SEZ6L: variants seen among roughly 807,000 people sequenced by gnomAD.
The protein encoded by SEZ6L is seizure 6-like protein.
SEZ6L carries 37 observed loss-of-function variants against 106.2 expected under a neutral mutation model. The ratio of observed to expected loss-of-function variants is 0.35; its 90% CI spans 0.27 to 0.46. The LOEUF is 0.46. SEZ6L is among the 20% of genes least tolerant of loss of function. The pLI, the probability that SEZ6L is intolerant of heterozygous loss-of-function variation, is 1.00. For missense variants in SEZ6L, 1,172 were observed against 1,332.8 expected (o/e 0.88, Z 1.88); for synonymous variants, 541 against 570.4 (o/e 0.95, Z 0.73).
intron 1 of SEZ6L, among the ~76,000 whole-genome samples, chr22:26,271,091 G>T (rs1282884633): frequency 6.6e-6 from 1 of 152,198 alleles, no homozygotes; most frequent in African/African-American, 2.4e-5. Flanking sequence ...GGGTGCACAT[G>T]TGTCTGGGTT....
chr22:26,380,506 A>G lies in SEZ6L; in HGVS notation c.*211A>G, dbSNP rs2084380336. ...GTTTGGATGTTTCGCGGCCTCAGCC[A>G]AATTCATGTTACAGCCTCAATTCTG... On this transcript the variant is annotated 3_prime_UTR_variant, in exon 17 of 17. Coordinates refer to ENST00000248933, the MANE Select transcript of SEZ6L (RefSeq NM_021115.5). The G allele has an allele frequency of 6.8e-6, 3 of 444,252 alleles. No individual in the cohort carries two copies. In the East Asian group the frequency reaches 9.7e-5, roughly 14 times the overall value. The allele number at this position is 444,252 out of a possible 1,614,324, so 27.5% of individuals were successfully genotyped here. A position where few individuals can be genotyped will look rare whatever the true frequency, so the allele number is the denominator to read the frequency against.
intron 13 of SEZ6L, among the ~76,000 whole-genome samples, chr22:26,369,354 T>TTTTTTTTTTTTTTTTTTTTTTTTTA: frequency 8.4e-6 from 1 of 118,698 alleles, no homozygotes; most frequent in African/African-American, 3.3e-5. Context: ...TTGTTTTTTT[T>TTTTTTTTTTTTTTTTTTTTTTTTTA]TTTGAGACAG....
intron 10 of SEZ6L, among the ~76,000 whole-genome samples, chr22:26,343,943 T>C (rs950979945): frequency 6.6e-5 from 10 of 152,222 alleles, no homozygotes; most frequent in African/African-American, 2.2e-4. Context: ...GCCTAAAGTC[T>C]ATGGCAAAGA....
intron 1 of SEZ6L, among the ~76,000 whole-genome samples, chr22:26,197,527 T>G (rs556498338): frequency 1.3e-5 from 2 of 152,248 alleles, no homozygotes; most frequent in African/African-American, 4.8e-5. Context: ...GGAGGGGTCC[T>G]GGTATAGTGA....
intron 1 of SEZ6L, among the ~76,000 whole-genome samples, chr22:26,268,401 G>A (rs528147875): frequency 6.6e-6 from 1 of 152,346 alleles, no homozygotes; most frequent in African/African-American, 2.4e-5. Context: ...GCTCAGCAAG[G>A]AGGGGCAACA....
At chr22:26,277,131 C>G (rs1210361183) in intron 1 of SEZ6L, among the ~76,000 whole-genome samples, 1 of 149,570 alleles carries the variant, frequency 6.7e-6, no homozygotes, top group African/African-American at 2.5e-5. Context: ...AATATAGCCT[C>G]TCTCTCAGCC....
At chr22:26,370,326 G>T (rs1045915951) in intron 13 of SEZ6L, among the ~76,000 whole-genome samples, 1 of 151,960 alleles carries the variant, frequency 6.6e-6, no homozygotes, top group South Asian at 2.1e-4. Flanking sequence ...CGGAGCTTGC[G>T]GTGAGCTGAG....
intron 10 of SEZ6L, among the ~76,000 whole-genome samples, chr22:26,342,860 AC>A (rs1289266693): frequency 6.6e-6 from 1 of 152,106 alleles, no homozygotes; most frequent in Non-Finnish European, 1.5e-5. Context: ...AAAACAAGCT[AC>A]CCCCTTGACC....
In SEZ6L at chr22:26,375,658, C is replaced by T. The variant is rs774486120; in HGVS notation, c.2911C>T (p.Leu971=). ...CATCCCGGTCCTCATCATCTCCTTA[C>T]TGCTGGGAGGAGCCTACATTTACAT... The part of the protein sequence containing the change: ...IFIPVLIISL[L]LGGAYIYITR... The change falls in exon 15 of 17, where the codon CTG becomes TTG. Residue 971 remains leucine, a synonymous_variant. Coordinates refer to ENST00000248933, the MANE Select transcript of SEZ6L (RefSeq NM_021115.5). 34 of 1,613,964 alleles carry T rather than the reference C, an allele frequency of 2.1e-5. No homozygotes were observed. In the Middle Eastern group the frequency reaches 1.3e-3, roughly 62 times the overall value.
chr22:26,376,295 T>C (rs2084221911), intron 15 of SEZ6L, among the ~76,000 whole-genome samples: 1 of 151,348 alleles, frequency 6.6e-6, no homozygotes, highest in Non-Finnish European at 1.5e-5. Context: ...TGTAAGAAAA[T>C]ATGTAGTGTT....
At chr22:26,336,809 A>T (rs146919802) in intron 9 of SEZ6L, among the ~76,000 whole-genome samples, 5 of 152,290 alleles carry the variant, frequency 3.3e-5, no homozygotes, top group African/African-American at 9.6e-5. Flanking sequence ...TAGGAAAAAT[A>T]TGTTTCCAGA....
intron 11 of SEZ6L, among the ~76,000 whole-genome samples, chr22:26,348,634 A>AAG (rs1207231873): frequency 8.9e-5 from 3 of 33,788 alleles, no homozygotes; most frequent in African/African-American, 5.7e-4. Flanking sequence ...GAAAGAAAGA[A>AAG]AGAAAGAAAG....
intron 1 of SEZ6L, among the ~76,000 whole-genome samples, chr22:26,246,116 A>T (rs767894645): frequency 2.0e-5 from 3 of 152,214 alleles, no homozygotes; most frequent in Non-Finnish European, 4.4e-5. Flanking sequence ...TAGTCCTTAG[A>T]CATTCACTTG....
At chr22:26,266,425 T>C (rs1183271823) in intron 1 of SEZ6L, among the ~76,000 whole-genome samples, 27 of 149,354 alleles carry the variant, frequency 1.8e-4, no homozygotes, top group African/African-American at 6.4e-4. Context: ...TACAAAAATT[T>C]AGCCGGGCGT....
At chr22:26,314,639 G>C (rs2081947306) in intron 9 of SEZ6L, among the ~76,000 whole-genome samples, 1 of 152,226 alleles carries the variant, frequency 6.6e-6, no homozygotes, top group Non-Finnish European at 1.5e-5. Flanking sequence ...TAGCTGTGCG[G>C]CTGGGTTTCC....
intron 1 of SEZ6L, among the ~76,000 whole-genome samples, chr22:26,279,809 T>G (rs764477323): frequency 6.6e-6 from 1 of 152,186 alleles, no homozygotes; most frequent in Non-Finnish European, 1.5e-5. Context: ...CAAGTGTCTT[T>G]TCTTGGGGAC....
At chr22:26,318,684 A>G (rs1210447678) in intron 9 of SEZ6L, among the ~76,000 whole-genome samples, 2 of 152,148 alleles carry the variant, frequency 1.3e-5, no homozygotes, top group Admixed American at 1.3e-4. Flanking sequence ...CTTCCTCACC[A>G]CTTCACTTGG....
At chr22:26,191,325 G>A (rs968089231) in intron 1 of SEZ6L, among the ~76,000 whole-genome samples, 4 of 152,220 alleles carry the variant, frequency 2.6e-5, no homozygotes, top group Middle Eastern at 3.4e-3. Flanking sequence ...GCAAAGACAT[G>A]GAATCAACCT....
intron 1 of SEZ6L, among the ~76,000 whole-genome samples, chr22:26,204,537 A>G (rs576969317): frequency 2.4e-4 from 37 of 152,376 alleles, no homozygotes; most frequent in Admixed American, 9.8e-4. Context: ...TCACACAGCT[A>G]TAAGTGGTAT....
Sources: allele counts gnomAD v4.1 joint callset (sites outside exome capture counted in the v4.1 genomes callset), GRCh38; gene constraint gnomAD v4.1.1; transcripts MANE v1.5; gene names NCBI Gene and HGNC (gene_info 2026-07-23, HGNC 2026-07-21).